USP40: variants seen among roughly 807,000 people sequenced by gnomAD.
USP40 encodes ubiquitin carboxyl-terminal hydrolase 40.
Under a neutral mutation model 166.2 loss-of-function variants are expected in USP40, and 143 were observed. That is an observed-to-expected ratio of 0.86 (90% CI 0.75 to 0.99). The LOEUF is 0.99. USP40 is among the 50% of genes least tolerant of loss of function. The pLI, the probability that USP40 is intolerant of heterozygous loss-of-function variation, is 0.00. For synonymous variants in USP40, 498 were observed against 524.0 expected (o/e 0.95, Z 0.68); for missense variants, 1,444 against 1,479.7 (o/e 0.98, Z 0.40).
At chr2:233,491,026 ACTTAC>A in intron 26 of USP40, 136 bp downstream of exon 26, 1 of 761,910 alleles carries the variant, frequency 1.3e-6, no homozygotes, top group South Asian at 1.5e-5. Context: ...GCCTGCGGGT[ACTTAC>A]CACTGAACAT....
intron 31 of USP40, among the ~76,000 whole-genome samples, chr2:233,477,836 C>T (rs1165352246): frequency 2.6e-5 from 4 of 152,264 alleles, no homozygotes; most frequent in African/African-American, 9.6e-5. Context: ...GGAGTGCACA[C>T]ACACCGCTGC....
At chr2:233,558,023 A>AG (rs2071253677) in intron 4 of USP40, among the ~76,000 whole-genome samples, 1 of 151,248 alleles carries the variant, frequency 6.6e-6, no homozygotes, top group Non-Finnish European at 1.5e-5. Context: ...AAAAAAAAAA[A>AG]AAGTTTTGTG....
chr2:233,499,780 C>T, intron 22 of USP40, 99 bp downstream of exon 22: 1 of 918,866 alleles, frequency 1.1e-6, no homozygotes. Flanking sequence ...TTTCTCCACA[C>T]CCTATAAATT....
Position 233,493,453 on chromosome 2 carries a change from G to T in USP40, c.2889C>A (p.Gly963=). 3 of 1,613,922 alleles carry T rather than the reference G, an allele frequency of 1.9e-6. No homozygotes were observed. Among genetic ancestry groups the T allele is most frequent in the Non-Finnish European group, 1.7e-6 (2 of 1,179,860 alleles). Reference sequence around the variant, plus strand: ...GGCTGGAAGTGGCTCTCCAAACTCTGCCCCAAGACGAAGTACAGTTGGTCT... The same window carrying T: ...GGCTGGAAGTGGCTCTCCAAACTCTTCCCCAAGACGAAGTACAGTTGGTCT... ...QDQTNCTSSW[G]RVWRATSSQG... The change falls in exon 25 of 32, where the codon GGC becomes GGA. Residue 963 remains glycine, a synonymous_variant. Coordinates refer to ENST00000678225, the MANE Select transcript of USP40 (RefSeq NM_001365479.2). The surrounding 1 kb of genome is among the most constrained non-coding windows in gnomAD (Gnocchi z 4.7).
intron 13 of USP40, among the ~76,000 whole-genome samples, 171 bp downstream of exon 13, chr2:233,527,236 T>C (rs555637392): frequency 6.6e-6 from 1 of 152,310 alleles, no homozygotes; most frequent in South Asian, 2.1e-4. Flanking sequence ...GAAAAGCCTC[T>C]CTAAAAGACT....
At chr2:233,560,528 C>T (rs910427749) in intron 3 of USP40, among the ~76,000 whole-genome samples, 1 of 152,118 alleles carries the variant, frequency 6.6e-6, no homozygotes, top group Non-Finnish European at 1.5e-5. Context: ...TAGAAAAGTG[C>T]TAATCTGCAA....
At chr2:233,527,275 A>G (rs976945699) in intron 13 of USP40, 132 bp downstream of exon 13, 3 of 1,025,334 alleles carry the variant, frequency 2.9e-6, no homozygotes, top group South Asian at 1.9e-5. Flanking sequence ...TCAACCCTCT[A>G]TGAAGTGGCA....
chr2:233,512,492 A>G, intron 19 of USP40, 77 bp downstream of exon 19: 1 of 894,042 alleles, frequency 1.1e-6, no homozygotes, highest in Non-Finnish European at 1.6e-6. Context: ...TTTAAATATT[A>G]GGTATTGGAG....
chr2:233,487,273 G>A (rs943200383), intron 28 of USP40, among the ~76,000 whole-genome samples: 1 of 152,202 alleles, frequency 6.6e-6, no homozygotes, highest in South Asian at 2.1e-4. Context: ...TGGAGAATAT[G>A]AGAACAAGAT....
chr2:233,492,118 C>G (rs907034728), intron 25 of USP40, among the ~76,000 whole-genome samples: 1 of 152,252 alleles, frequency 6.6e-6, no homozygotes, highest in Non-Finnish European at 1.5e-5. Flanking sequence ...GTGATGTGAT[C>G]CTATAAGATT....
chr2:233,515,188 G>T (rs192119007), intron 18 of USP40, among the ~76,000 whole-genome samples: 3 of 152,264 alleles, frequency 2.0e-5, no homozygotes, highest in African/African-American at 7.2e-5. Flanking sequence ...CTTCCAGTTT[G>T]GGGTTAGGAA....
intron 16 of USP40, 123 bp from the exon 17 acceptor site, chr2:233,521,237 G>T: frequency 1.8e-6 from 2 of 1,086,780 alleles, no homozygotes; most frequent in Non-Finnish European, 2.5e-6. Flanking sequence ...TCGTCTCTAT[G>T]ATAAGTGGGC....
At chr2:233,540,511 T>C (rs2069304422) in intron 10 of USP40, 151 bp downstream of exon 10, 2 of 515,652 alleles carry the variant, frequency 3.9e-6, no homozygotes, top group Admixed American at 3.6e-5. Context: ...TAATACTTAA[T>C]AAGTAACTTA....
rs986334472 is a variant in USP40, at chr2:233,480,953, G to T, written c.3599+250C>A. ...GGAAGGAGGGGGACCGGGGGGCCAT[G>T]GATCTGCGGGCTCCTCATCGTGCCT... On this transcript the variant is annotated intron_variant, in intron 31 of 31. Coordinates refer to ENST00000678225, the MANE Select transcript of USP40 (RefSeq NM_001365479.2). The surrounding 1 kb of genome is among the most constrained non-coding windows in gnomAD (Gnocchi z 4.5). 2.6e-5 allele frequency among the ~76,000 whole-genome samples: 4 copies of T among 152,176 alleles called. No homozygotes were observed. Among genetic ancestry groups the T allele is most frequent in the African/African-American group, 9.7e-5 (4 of 41,424 alleles).
intron 12 of USP40, among the ~76,000 whole-genome samples, chr2:233,529,143 C>T (rs551797595): frequency 2.0e-4 from 30 of 152,322 alleles, no homozygotes; most frequent in Admixed American, 1.8e-3. Context: ...GGATACAATT[C>T]ATTCAGCCCA....
chr2:233,487,899 G>A lies in USP40; in HGVS notation c.3197+340C>T, dbSNP rs138980086. 58 of 540,910 alleles carry A rather than the reference G, an allele frequency of 1.1e-4. No homozygotes were observed. The East Asian group carries it at 2.3e-3, about 21-fold the overall frequency. The allele number at this position is 540,910 out of a possible 1,614,324, so 33.5% of individuals were successfully genotyped here. On this transcript the variant is annotated intron_variant, in intron 28 of 31. Transcript: ENST00000678225. Reference sequence around the variant, plus strand: ...AAGTAGAATAAGGGGGCAGAGCGACGGGAGCAATGATGAATCCGTTGGATG... The same window carrying A: ...AAGTAGAATAAGGGGGCAGAGCGACAGGAGCAATGATGAATCCGTTGGATG...
At chr2:233,504,061 A>G (rs898129444) in intron 21 of USP40, among the ~76,000 whole-genome samples, 6 of 152,140 alleles carry the variant, frequency 3.9e-5, no homozygotes, top group Non-Finnish European at 7.4e-5. Flanking sequence ...TTATATGACC[A>G]AAGGTGAGTT....
intron 5 of USP40, among the ~76,000 whole-genome samples, chr2:233,555,562 A>T (rs1189160634): frequency 2.0e-5 from 3 of 152,192 alleles, no homozygotes; most frequent in African/African-American, 7.2e-5. Flanking sequence ...TTACTACATC[A>T]TAGCTAAGTC....
intron 7 of USP40, among the ~76,000 whole-genome samples, chr2:233,549,735 C>T (rs1199670398): frequency 6.6e-6 from 1 of 152,050 alleles, no homozygotes; most frequent in Non-Finnish European, 1.5e-5. Context: ...TCAACTATCA[C>T]CCCTCCTGAC....
Sources: gnomAD v4.1 joint callset for allele counts (sites outside exome capture counted in the v4.1 genomes callset) on GRCh38, gnomAD v4.1.1 for gene constraint, Gnocchi (gnomAD v3.1) non-coding constraint, MANE v1.5 for transcripts, NCBI Gene and HGNC (gene_info 2026-07-23, HGNC 2026-07-21) for gene names.